SHB: variants seen among roughly 807,000 people sequenced by gnomAD.
SHB encodes SH2 domain containing adaptor protein B.
A neutral mutation model predicts 52.3 loss-of-function variants in SHB; 20 were observed. That is an observed-to-expected ratio of 0.38 (90% CI 0.27 to 0.56). The LOEUF (loss-of-function observed/expected upper bound fraction) is 0.56. SHB is among the 20% of genes least tolerant of loss of function. The pLI, the probability that SHB is intolerant of heterozygous loss-of-function variation, is 0.71. For missense variants in SHB, 825 were observed against 723.3 expected (o/e 1.14, Z -1.61); for synonymous variants, 397 against 316.5 (o/e 1.25, Z -2.70).
chr9:37,963,776 T>C (rs1832719586), intron 3 of SHB, among the ~76,000 whole-genome samples: 2 of 152,172 alleles, frequency 1.3e-5, no homozygotes, highest in African/African-American at 2.4e-5. Context: ...CCGGAGTCTA[T>C]GAAAATGCCA....
At chr9:37,923,220 C>T (rs546960681) in intron 5 of SHB, among the ~76,000 whole-genome samples, 23 of 152,336 alleles carry the variant, frequency 1.5e-4, no homozygotes, top group African/African-American at 4.6e-4. Flanking sequence ...TGAAGCCAGG[C>T]AGAGGGGGCG....
chr9:37,974,996 C>T (rs1399694611), intron 2 of SHB, among the ~76,000 whole-genome samples, 159 bp from the exon 3 acceptor site: 2 of 152,176 alleles, frequency 1.3e-5, no homozygotes, highest in African/African-American at 4.8e-5. Flanking sequence ...CACCAACCCC[C>T]AGTGCCGCGT....
At chr9:38,042,075 G>C (rs1434836894) in intron 1 of SHB, among the ~76,000 whole-genome samples, 1 of 150,296 alleles carries the variant, frequency 6.7e-6, no homozygotes. Context: ...GTCTGGCTTC[G>C]CCCAGAAGGC....
At chr9:38,035,343 C>G (rs1821471077) in intron 1 of SHB, among the ~76,000 whole-genome samples, 1 of 151,826 alleles carries the variant, frequency 6.6e-6, no homozygotes, top group African/African-American at 2.4e-5. Context: ...GCGGGTTGAG[C>G]ACTTGGCAAG....
chr9:38,040,382 G>A (rs532838051), intron 1 of SHB, among the ~76,000 whole-genome samples: 3 of 152,206 alleles, frequency 2.0e-5, no homozygotes, highest in East Asian at 1.9e-4. Flanking sequence ...CATGAATGCC[G>A]GCCGTTATCC....
At chr9:38,022,871 G>A (rs1206723085) in intron 1 of SHB, among the ~76,000 whole-genome samples, 1 of 152,234 alleles carries the variant, frequency 6.6e-6, no homozygotes, top group East Asian at 1.9e-4. Flanking sequence ...CCTGGGAAAG[G>A]GAGCTCCTGC....
chr9:38,061,779 A>ACCG (rs1821896309), intron 1 of SHB, among the ~76,000 whole-genome samples: 1 of 152,180 alleles, frequency 6.6e-6, no homozygotes, highest in Non-Finnish European at 1.5e-5. Context: ...GGGCCAATGT[A>ACCG]CCGCCAGTCT....
At chr9:37,965,327 C>T (rs1006347831) in intron 3 of SHB, among the ~76,000 whole-genome samples, 1 of 152,230 alleles carries the variant, frequency 6.6e-6, no homozygotes, top group African/African-American at 2.4e-5. Context: ...AGTCAATCCT[C>T]AGACAGGCAG....
chr9:37,958,427 C>T (rs1832659556), intron 3 of SHB, among the ~76,000 whole-genome samples: 1 of 152,212 alleles, frequency 6.6e-6, no homozygotes, highest in African/African-American at 2.4e-5. Context: ...GAGAGGAAGA[C>T]TCACCAAAGG....
intron 2 of SHB, among the ~76,000 whole-genome samples, chr9:37,992,867 GCACACACACACAAACACA>G (rs1820900122): frequency 7.7e-6 from 1 of 130,420 alleles, no homozygotes; most frequent in South Asian, 2.6e-4. Flanking sequence ...GTATATGCAT[GCACACACACACAAACACA>G]CACACACACA....
At chr9:37,985,511 G>T (rs1820794054) in intron 2 of SHB, among the ~76,000 whole-genome samples, 1 of 152,252 alleles carries the variant, frequency 6.6e-6, no homozygotes, top group Admixed American at 6.5e-5. Context: ...GCCGCTGCAG[G>T]CCTGCGTTCT....
intron 2 of SHB, among the ~76,000 whole-genome samples, chr9:37,998,178 G>C (rs1820972652): frequency 6.6e-6 from 1 of 152,050 alleles, no homozygotes; most frequent in Non-Finnish European, 1.5e-5. Flanking sequence ...ACGATTCCAA[G>C]GCACCAGTGG....
intron 1 of SHB, among the ~76,000 whole-genome samples, chr9:38,027,357 T>A (rs575495027): frequency 1.2e-4 from 19 of 152,098 alleles, no homozygotes; most frequent in African/African-American, 2.2e-4. Context: ...GCTGAGTCAA[T>A]GAACCAAGGG....
chr9:37,992,105 T>C (rs1421644580), intron 2 of SHB, among the ~76,000 whole-genome samples: 1 of 152,124 alleles, frequency 6.6e-6, no homozygotes, highest in Non-Finnish European at 1.5e-5. Context: ...CACTGAACAA[T>C]AAAAACTTGG....
chr9:37,932,170 T>A (rs936117997), intron 5 of SHB, among the ~76,000 whole-genome samples: 1 of 145,178 alleles, frequency 6.9e-6, no homozygotes, highest in South Asian at 2.1e-4. Context: ...TAATCCCAGA[T>A]ACTCGGGAGG....
intron 1 of SHB, among the ~76,000 whole-genome samples, chr9:38,025,758 C>T (rs1001714418): frequency 5.9e-5 from 9 of 152,316 alleles, no homozygotes; most frequent in African/African-American, 2.2e-4. Flanking sequence ...GCTCAACACA[C>T]CATCCAGCCT....
At chr9:38,035,441 A>G (rs556059882) in intron 1 of SHB, among the ~76,000 whole-genome samples, 1 of 152,098 alleles carries the variant, frequency 6.6e-6, no homozygotes, top group Admixed American at 6.5e-5. Context: ...GACTGGGGAT[A>G]GGGGAGCCAG....
intron 5 of SHB, among the ~76,000 whole-genome samples, chr9:37,933,799 G>A (rs940935849): frequency 6.6e-6 from 1 of 152,124 alleles, no homozygotes; most frequent in South Asian, 2.1e-4. Context: ...CTGTGGTTAA[G>A]TTCTTCCATG....
At chr9:38,066,475 T>C (rs1469250129) in intron 1 of SHB, among the ~76,000 whole-genome samples, 5 of 152,124 alleles carry the variant, frequency 3.3e-5, no homozygotes, top group African/African-American at 2.4e-5. Context: ...AGGCCCAGGG[T>C]CCTGGTGGCT....
Sources: allele counts gnomAD v4.1 joint callset (sites outside exome capture counted in the v4.1 genomes callset), GRCh38; gene constraint gnomAD v4.1.1; transcripts MANE v1.5; gene names NCBI Gene and HGNC (gene_info 2026-07-23, HGNC 2026-07-21).